Variants in SLC35F3 observed in about 807,000 individuals in gnomAD.
SLC35F3 encodes the protein putative thiamine transporter SLC35F3.
SLC35F3 carries 25 observed loss-of-function variants against 49.9 expected under a neutral mutation model. The ratio of observed to expected loss-of-function variants is 0.50; its 90% CI spans 0.37 to 0.70. The LOEUF is 0.70. SLC35F3 is among the 30% of genes least tolerant of loss of function. SLC35F3 has a pLI of 0.00. For missense variants in SLC35F3, 525 were observed against 639.8 expected, an observed-to-expected ratio of 0.82 and a Z score of 1.94; for synonymous variants, 275 against 265.4, an observed-to-expected ratio of 1.04 and a Z score of -0.35.
intron 3 of SLC35F3, among the ~76,000 whole-genome samples, chr1:234,258,919 C>T (rs552936141): frequency 6.6e-6 from 1 of 152,364 alleles, no homozygotes; most frequent in Non-Finnish European, 1.5e-5. Flanking sequence ...TACACTGATG[C>T]AAACACTTGG....
chr1:233,990,504 T>C (rs1264063133), intron 2 of SLC35F3, among the ~76,000 whole-genome samples: 1 of 152,194 alleles, frequency 6.6e-6, no homozygotes, highest in African/African-American at 2.4e-5. Context: ...GTACTCACTT[T>C]GAGTTGTAAA....
At chr1:233,946,654 G>A (rs1486151066) in intron 2 of SLC35F3, among the ~76,000 whole-genome samples, 1 of 152,248 alleles carries the variant, frequency 6.6e-6, no homozygotes, top group African/African-American at 2.4e-5. Context: ...GTCAGTGGAT[G>A]TTGAGAATTT....
At chr1:234,035,735 A>G (rs1036978599) in intron 2 of SLC35F3, among the ~76,000 whole-genome samples, 3 of 152,152 alleles carry the variant, frequency 2.0e-5, no homozygotes, top group Non-Finnish European at 1.5e-5. Context: ...TCTGTTTTAT[A>G]TGTTTAATTA....
intron 2 of SLC35F3, among the ~76,000 whole-genome samples, chr1:234,112,722 ATTTTTTTTTTT>A (rs1157248348): frequency 9.2e-4 from 31 of 33,562 alleles, no homozygotes; most frequent in African/African-American, 3.4e-3. Context: ...TGCCCAGCTA[ATTTTTTTTTTT>A]TTTTTTTTTT....
intron 2 of SLC35F3, among the ~76,000 whole-genome samples, chr1:234,154,146 G>A (rs1167678854): frequency 6.6e-6 from 1 of 152,182 alleles, no homozygotes; most frequent in Non-Finnish European, 1.5e-5. Flanking sequence ...TGAGGTGGGA[G>A]AAGTAAAGCA....
At chr1:233,980,479 G>A (rs938655722) in intron 2 of SLC35F3, among the ~76,000 whole-genome samples, 3 of 152,176 alleles carry the variant, frequency 2.0e-5, no homozygotes, top group African/African-American at 4.8e-5. Context: ...ATCCCTTGCA[G>A]GGACTTTCTG....
intron 2 of SLC35F3, among the ~76,000 whole-genome samples, chr1:234,049,262 T>C (rs1207856553): frequency 2.6e-5 from 4 of 152,170 alleles, no homozygotes; most frequent in African/African-American, 9.7e-5. Flanking sequence ...GGTTAAATTA[T>C]GTAATAAGAG....
At chr1:234,230,950 T>G (rs1300966141) in intron 2 of SLC35F3, among the ~76,000 whole-genome samples, 1 of 152,150 alleles carries the variant, frequency 6.6e-6, no homozygotes, top group African/African-American at 2.4e-5. Context: ...CCTCCCCCTG[T>G]AGGAATCTCC....
At chr1:234,119,393 A>G (rs748549186) in intron 2 of SLC35F3, among the ~76,000 whole-genome samples, 9 of 152,052 alleles carry the variant, frequency 5.9e-5, no homozygotes, top group Non-Finnish European at 1.5e-5. Context: ...CAAATAAACC[A>G]TGAAAAATCT....
intron 2 of SLC35F3, among the ~76,000 whole-genome samples, chr1:234,077,003 T>G (rs1187560014): frequency 1.4e-5 from 2 of 146,826 alleles, no homozygotes; most frequent in African/African-American, 2.5e-5. Context: ...TTTTTGTTTT[T>G]TTTTTTTTTT....
chr1:234,317,243 A>G (rs570282605), intron 5 of SLC35F3, among the ~76,000 whole-genome samples: 7 of 152,312 alleles, frequency 4.6e-5, no homozygotes, highest in African/African-American at 1.4e-4. Context: ...CGGGGATAAT[A>G]AAGTATTTTG....
chr1:233,958,609 G>A (rs552980431), intron 2 of SLC35F3, among the ~76,000 whole-genome samples: 1 of 152,366 alleles, frequency 6.6e-6, no homozygotes, highest in South Asian at 2.1e-4. Flanking sequence ...TTTGGGGCAA[G>A]AGTGGGAGGA....
chr1:233,946,767 A>G (rs1413618536), intron 2 of SLC35F3, among the ~76,000 whole-genome samples: 6 of 152,216 alleles, frequency 3.9e-5, no homozygotes, highest in African/African-American at 7.2e-5. Flanking sequence ...TGGGCACTGC[A>G]TTTAGAAGTG....
At chr1:234,156,088 G>A (rs571789675) in intron 2 of SLC35F3, among the ~76,000 whole-genome samples, 3 of 151,874 alleles carry the variant, frequency 2.0e-5, no homozygotes, top group Admixed American at 6.6e-5. Context: ...ATATGAAAAG[G>A]TTTCAAAAAT....
intron 3 of SLC35F3, chr1:234,285,289 A>G: frequency 2.1e-6 from 1 of 466,916 alleles, no homozygotes; most frequent in Non-Finnish European, 4.3e-6. Context: ...ATCCAGAAGA[A>G]TGGGTCTCTT....
At chr1:234,283,775 C>G (rs1668366323) in intron 3 of SLC35F3, among the ~76,000 whole-genome samples, 1 of 152,068 alleles carries the variant, frequency 6.6e-6, no homozygotes. Flanking sequence ...ATTGCAGTGC[C>G]AAGACATTAC....
At chr1:234,293,064 T>G (rs1489547563) in intron 3 of SLC35F3, among the ~76,000 whole-genome samples, 1 of 152,194 alleles carries the variant, frequency 6.6e-6, no homozygotes, top group African/African-American at 2.4e-5. Context: ...AAAAGGGCAC[T>G]CGAGCAAGAT....
chr1:234,115,193 G>A (rs1428929038), intron 2 of SLC35F3, among the ~76,000 whole-genome samples: 2 of 152,168 alleles, frequency 1.3e-5, no homozygotes, highest in South Asian at 2.1e-4. Context: ...AGCTGGATGT[G>A]CAAGCTTTCT....
In SLC35F3 at chr1:233,999,214, C is replaced by T. The variant is rs115520587; in HGVS notation, c.283+93456C>T. ...TGAGGTCATCCCACGTTTTTTCCAC[C>T]GCGTCCCAATTACCCACTGACTTAG... On this transcript the variant is annotated intron_variant, in intron 2 of 7. Coordinates refer to ENST00000366618, the MANE Select transcript of SLC35F3 (RefSeq NM_173508.4). Among the ~76,000 whole-genome samples, 663 of 152,180 alleles carry T rather than the reference C, an allele frequency of 4.4e-3. 5 individuals carry two copies. Among genetic ancestry groups the T allele is most frequent in the African/African-American group, 0.015 (639 of 41,518 alleles).
Sources: gnomAD v4.1 joint callset for allele counts (sites outside exome capture counted in the v4.1 genomes callset) on GRCh38, gnomAD v4.1.1 for gene constraint, MANE v1.5 for transcripts, NCBI Gene and HGNC (gene_info 2026-07-23, HGNC 2026-07-21) for gene names.